The following CATSPERB variants were observed in gnomAD, a reference collection of about 807,000 sequenced individuals.
The protein encoded by CATSPERB is catsper channel auxiliary subunit beta.
In CATSPERB, 93 loss-of-function variants were observed where a neutral mutation model predicts 128.3. That is an observed-to-expected ratio of 0.72 (90% CI 0.61 to 0.86). CATSPERB has a LOEUF of 0.86. Ranked by LOEUF, CATSPERB falls within the 40% of genes least tolerant of loss-of-function variation. The pLI is 0.00. For missense variants in CATSPERB, 1,153 were observed against 1,329.5 expected, an observed-to-expected ratio of 0.87 and a Z score of 2.06; for synonymous variants, 381 against 448.8, an observed-to-expected ratio of 0.85 and a Z score of 1.91.
At chr14:91,669,429 A>G (rs1391477241) in intron 14 of CATSPERB, among the ~76,000 whole-genome samples, 1 of 152,196 alleles carries the variant, frequency 6.6e-6, no homozygotes, top group Non-Finnish European at 1.5e-5. Context: ...AAAGAACAAC[A>G]GAGCCAGAAA....
chr14:91,594,929 T>A (rs1272307819), intron 22 of CATSPERB, among the ~76,000 whole-genome samples: 6 of 152,120 alleles, frequency 3.9e-5, no homozygotes, highest in Non-Finnish European at 8.8e-5. Context: ...ACAGCTTAGT[T>A]TTCAGTGACT....
At chr14:91,649,466 C>G (rs140465382) in intron 15 of CATSPERB, among the ~76,000 whole-genome samples, 1 of 151,218 alleles carries the variant, frequency 6.6e-6, no homozygotes, top group South Asian at 2.1e-4. Flanking sequence ...CCACATCTAG[C>G]CTTCTTTTGC....
chr14:91,683,057 C>T (rs1210215859), intron 11 of CATSPERB, among the ~76,000 whole-genome samples: 1 of 152,188 alleles, frequency 6.6e-6, no homozygotes, highest in Non-Finnish European at 1.5e-5. Flanking sequence ...TAGTCAGCCC[C>T]TTAGTGCAGG....
intron 5 of CATSPERB, among the ~76,000 whole-genome samples, chr14:91,717,771 C>T (rs926179218): frequency 6.6e-6 from 1 of 152,110 alleles, no homozygotes; most frequent in East Asian, 1.9e-4. Flanking sequence ...CATATTCATG[C>T]CATAGCAGTA....
intron 22 of CATSPERB, chr14:91,592,311 C>T: frequency 2.8e-6 from 1 of 362,102 alleles, no homozygotes; most frequent in East Asian, 7.0e-5. Context: ...AAACTAACTG[C>T]TCTTGGCCCC....
At chr14:91,700,020 G>T (rs1030154558) in intron 7 of CATSPERB, among the ~76,000 whole-genome samples, 1 of 151,808 alleles carries the variant, frequency 6.6e-6, no homozygotes, top group Non-Finnish European at 1.5e-5. Flanking sequence ...TGCCATGGTG[G>T]TTTGCTGCAC....
rs772617701 is a variant in CATSPERB at position 91,625,015 on chromosome 14, C to T, written c.1743-8G>A. 5.8e-6 allele frequency: 9 copies of T among 1,550,956 alleles called. No individual in the cohort carries two copies. The highest frequency in any genetic ancestry group is 2.0e-4 in the Middle Eastern group (1 of 5,050). ...TAAGCTCTTCCAGTTTTCCTAAAAACAAATAAAACCATTAAGCAATTTGGA... is the reference window on the plus strand; with the variant it reads ...TAAGCTCTTCCAGTTTTCCTAAAAATAAATAAAACCATTAAGCAATTTGGA... On this transcript the variant is annotated splice_region_variant and splice_polypyrimidine_tract_variant and intron_variant, in intron 17 of 26. Coordinates refer to ENST00000256343, the MANE Select transcript of CATSPERB (RefSeq NM_024764.4).
At chr14:91,666,000 C>G (rs1894978052) in intron 14 of CATSPERB, among the ~76,000 whole-genome samples, 1 of 152,144 alleles carries the variant, frequency 6.6e-6, no homozygotes, top group Non-Finnish European at 1.5e-5. Flanking sequence ...GGGGCGATTT[C>G]CCCATGCTGT....
chr14:91,608,310 A>G lies in CATSPERB; in HGVS notation c.2693T>C (p.Met898Thr), dbSNP rs370762893. 27 of 1,603,746 alleles carry G rather than the reference A, an allele frequency of 1.7e-5. No homozygotes were observed. The highest frequency in any genetic ancestry group is 2.3e-5 in the Non-Finnish European group (27 of 1,171,906). ...ADPSKPIPRN[M>T]FHMSKKTGKF... is the part of the protein sequence containing the mutation. ...GTTATTTACCTTTGACATGTGAAACATGTTTCTTGGTATGGGTTTGCTAGG... is the reference window on the plus strand; with the variant it reads ...GTTATTTACCTTTGACATGTGAAACGTGTTTCTTGGTATGGGTTTGCTAGG... Residue 898 changes from methionine (M) to threonine (T), a missense_variant, in exon 22 of 27, where the codon ATG becomes ACG. Transcript: ENST00000256343.
intron 10 of CATSPERB, among the ~76,000 whole-genome samples, chr14:91,686,226 T>A (rs10135444): frequency 6.6e-6 from 1 of 152,008 alleles, no homozygotes; most frequent in Non-Finnish European, 1.5e-5. Context: ...TATTTGTTTG[T>A]GTATTTTTTA....
At chr14:91,592,248 G>C in intron 22 of CATSPERB, 1 of 475,186 alleles carries the variant, frequency 2.1e-6, no homozygotes, top group Non-Finnish European at 3.8e-6. Flanking sequence ...TCGTGCAGTT[G>C]CATGGGACCT....
chr14:91,654,962 CTGG>C (rs1894763128), intron 15 of CATSPERB, among the ~76,000 whole-genome samples: 1 of 78,928 alleles, frequency 1.3e-5, no homozygotes, highest in Non-Finnish European at 2.9e-5. Context: ...AAGTCTCTTC[CTGG>C]TAATACAGTC....
chr14:91,667,003 CATAGTTAGTGA>C (rs768732672), intron 14 of CATSPERB, among the ~76,000 whole-genome samples: 66 of 152,336 alleles, frequency 4.3e-4, no homozygotes, highest in Non-Finnish European at 6.8e-4. Flanking sequence ...CAGGTTATGC[CATAGTTAGTGA>C]TGTAACTGTA....
At position 91,610,482 on chromosome 14, in the gene CATSPERB, G is replaced by T. The variant is rs201303160; in HGVS notation, c.2596C>A (p.Pro866Thr). 5.1e-5 allele frequency: 81 copies of T among 1,598,662 alleles called. No individual in the cohort carries two copies. The highest frequency in any genetic ancestry group is 3.6e-5 in the Admixed American group (2 of 56,226). ...TATACTTAGATTTTTTTTTTTACCGGCAAAGTTTTGATGAGGTTAAAACCC... is the reference window on the plus strand; with the variant it reads ...TATACTTAGATTTTTTTTTTTACCGTCAAAGTTTTGATGAGGTTAAAACCC... Reference protein sequence around the residue: ...SQGFNLIKTLPINYRPPSNMG... With the variant: ...SQGFNLIKTLTINYRPPSNMG... The change falls in exon 21 of 27, where the codon CCG becomes ACG. Residue 866 changes from proline to threonine, a missense_variant and splice_region_variant. Transcript: ENST00000256343.
chr14:91,590,517 C>A (rs1237846356), intron 23 of CATSPERB, among the ~76,000 whole-genome samples: 1 of 151,678 alleles, frequency 6.6e-6, no homozygotes, highest in East Asian at 1.9e-4. Context: ...GGCGACAGAG[C>A]GAGACTTGGT....
intron 17 of CATSPERB, among the ~76,000 whole-genome samples, chr14:91,631,638 C>T (rs976007904): frequency 6.6e-6 from 1 of 152,028 alleles, no homozygotes; most frequent in Non-Finnish European, 1.5e-5. Flanking sequence ...GGACTCCAGC[C>T]TGGGCAACAA....
chr14:91,629,907 G>C lies in CATSPERB; in HGVS notation c.1743-4900C>G, dbSNP rs185794949. Among the ~76,000 whole-genome samples the C allele has an allele frequency of 4.6e-5, 7 of 152,232 alleles. No individual in the cohort carries two copies. In the East Asian group the frequency reaches 1.4e-3, roughly 29 times the overall value. ...GGAGAATGAATCAGTGAATTTTAGA[G>C]GTGGAGAGGAACAACTGTTGAGTGG... On this transcript the variant is annotated intron_variant, in intron 17 of 26. Coordinates refer to ENST00000256343, the MANE Select transcript of CATSPERB (RefSeq NM_024764.4).
chr14:91,711,415 G>C (rs541843914), intron 5 of CATSPERB, among the ~76,000 whole-genome samples: 4 of 152,114 alleles, frequency 2.6e-5, no homozygotes, highest in Non-Finnish European at 5.9e-5. Flanking sequence ...ATTTTTAGTA[G>C]AGACAGGTTT....
At chr14:91,584,608 T>A (rs1297007923) in intron 26 of CATSPERB, among the ~76,000 whole-genome samples, 1 of 152,238 alleles carries the variant, frequency 6.6e-6, no homozygotes, top group Admixed American at 6.5e-5. Flanking sequence ...ATGGATTCTC[T>A]TAGTTTTCTC....
Sources: allele counts gnomAD v4.1 joint callset (sites outside exome capture counted in the v4.1 genomes callset), GRCh38; gene constraint gnomAD v4.1.1; transcripts MANE v1.5; gene names NCBI Gene and HGNC (gene_info 2026-07-23, HGNC 2026-07-21).